Variants in VEPH1 observed in about 807,000 individuals in gnomAD.
VEPH1 encodes ventricular zone expressed PH domain containing 1.
VEPH1 carries 80 observed loss-of-function variants against 85.2 expected under a neutral mutation model. That is an observed-to-expected ratio of 0.94 (90% CI 0.78 to 1.13). VEPH1 has a LOEUF of 1.13. VEPH1 is among the 50% of genes most tolerant of loss of function. The pLI is 0.00. For missense variants in VEPH1, 955 were observed against 980.5 expected (o/e 0.97, Z 0.35); for synonymous variants, 297 against 348.0 (o/e 0.85, Z 1.63).
chr3:157,461,081 G>GA (rs200866747), intron 3 of VEPH1, among the ~76,000 whole-genome samples: 67 of 151,486 alleles, frequency 4.4e-4, no homozygotes, highest in Admixed American at 3.6e-3. Flanking sequence ...AGATTCAGAG[G>GA]AAAAAAAATA....
chr3:157,325,349 T>A lies in VEPH1; in HGVS notation c.1736-8148A>T, dbSNP rs1347587911. 2.6e-5 allele frequency among the ~76,000 whole-genome samples: 4 copies of A among 152,336 alleles called. No homozygotes were observed. The East Asian group carries it at 7.7e-4, about 29-fold the overall frequency. On this transcript the variant is annotated intron_variant, in intron 9 of 13. Coordinates refer to ENST00000362010, the MANE Select transcript of VEPH1 (RefSeq NM_001167912.2). ...GCAGAAGCTCTTTAGTTTAATTAGA[T>A]CTCATTTGTGAATTTTTGCTTTTGT...
intron 11 of VEPH1, among the ~76,000 whole-genome samples, chr3:157,303,073 A>G (rs1237304031): frequency 6.6e-6 from 1 of 152,248 alleles, no homozygotes; most frequent in Non-Finnish European, 1.5e-5. Flanking sequence ...CTTGCTCAAA[A>G]AAATTTTTTG....
intron 12 of VEPH1, chr3:157,286,259 C>T (rs1716751692): frequency 2.9e-5 from 9 of 309,504 alleles, no homozygotes; most frequent in African/African-American, 4.3e-5. Flanking sequence ...CTTTTTTTCT[C>T]TCTAACCCTC....
rs147172267 is a variant in VEPH1 at position 157,335,940 on chromosome 3, T to C, written c.1736-18739A>G. ...TACATAGCCCACTAGGCACCATGGCTACCAGCCTCCCTCTGCCTGCTGTTT... is the reference window on the plus strand; with the variant it reads ...TACATAGCCCACTAGGCACCATGGCCACCAGCCTCCCTCTGCCTGCTGTTT... On this transcript the variant is annotated intron_variant, in intron 9 of 13. Coordinates refer to ENST00000362010, the MANE Select transcript of VEPH1 (RefSeq NM_001167912.2). 1.1e-3 allele frequency among the ~76,000 whole-genome samples: 167 copies of C among 152,310 alleles called. 1 individual carries two copies. The highest frequency in any genetic ancestry group is 2.9e-3 in the African/African-American group (122 of 41,562).
chr3:157,478,266 G>A (rs1737681108), intron 2 of VEPH1, among the ~76,000 whole-genome samples: 1 of 152,074 alleles, frequency 6.6e-6, no homozygotes, highest in African/African-American at 2.4e-5. Context: ...GAGATTAGTT[G>A]AGGCCTTTTT....
At chr3:157,437,649 G>A in intron 4 of VEPH1, 1 of 1,546,608 alleles carries the variant, frequency 6.5e-7, no homozygotes, top group Non-Finnish European at 8.7e-7. Flanking sequence ...AGAGGCTGCG[G>A]GAGGAGCTGG....
rs1016720546 is a variant in VEPH1 at position 157,431,773 on chromosome 3, T to C, written c.530-3285A>G. On this transcript the variant is annotated intron_variant, in intron 4 of 13. Coordinates refer to ENST00000362010, the MANE Select transcript of VEPH1 (RefSeq NM_001167912.2). ...GTGTTTGCTAATCTGATGGGATGTA[T>C]CTAATATTTTTGCTTTAATTTTCAT... Among the ~76,000 whole-genome samples the C allele has an allele frequency of 2.6e-5, 4 of 151,508 alleles. No individual in the cohort carries two copies. In the East Asian group the frequency reaches 7.7e-4, roughly 29 times the overall value.
At chr3:157,355,387 T>C (rs1036888738) in intron 9 of VEPH1, among the ~76,000 whole-genome samples, 3 of 152,178 alleles carry the variant, frequency 2.0e-5, no homozygotes, top group African/African-American at 7.2e-5. Flanking sequence ...CAGGCAAGTC[T>C]CCAAAGCATA....
At chr3:157,407,894 T>A (rs909667430) in intron 6 of VEPH1, among the ~76,000 whole-genome samples, 1 of 152,184 alleles carries the variant, frequency 6.6e-6, no homozygotes, top group African/African-American at 2.4e-5. Flanking sequence ...ATTCCCATTT[T>A]ACAGATGAGG....
At chr3:157,499,607 A>T (rs886256104) in intron 1 of VEPH1, 2 of 152,208 alleles carry the variant, frequency 1.3e-5, no homozygotes, top group Non-Finnish European at 2.9e-5. Context: ...GTCAGGTGAC[A>T]GGCTGCACCT....
chr3:157,324,442 T>G (rs1422037232), intron 9 of VEPH1, among the ~76,000 whole-genome samples: 3 of 152,106 alleles, frequency 2.0e-5, no homozygotes, highest in Admixed American at 6.6e-5. Flanking sequence ...TCCCATCACC[T>G]AAGTATTAAG....
At chr3:157,466,805 A>G (rs1206527970) in intron 3 of VEPH1, among the ~76,000 whole-genome samples, 1 of 152,222 alleles carries the variant, frequency 6.6e-6, no homozygotes, top group Non-Finnish European at 1.5e-5. Flanking sequence ...TATTTTACAC[A>G]TAAGTTGAGA....
intron 4 of VEPH1, chr3:157,443,164 A>G (rs1734273788): frequency 1.5e-6 from 1 of 674,692 alleles, no homozygotes; most frequent in Non-Finnish European, 2.3e-6. Flanking sequence ...GACATTGGAA[A>G]AAGCTTTTGA....
intron 12 of VEPH1, among the ~76,000 whole-genome samples, chr3:157,270,354 A>G (rs1014438187): frequency 6.6e-6 from 1 of 152,190 alleles, no homozygotes; most frequent in South Asian, 2.1e-4. Context: ...CTCTACTAAC[A>G]TGGATCTGTT....
At position 157,302,944 on chromosome 3, in the gene VEPH1, AT is replaced by A. The variant is rs200957271; in HGVS notation, c.2010+10676del. Among the ~76,000 whole-genome samples, 1,090 of 152,088 alleles carry A rather than the reference AT, an allele frequency of 7.2e-3. 17 individuals carry two copies. Among genetic ancestry groups the A allele is most frequent in the African/African-American group, 0.024 (996 of 41,454 alleles). On this transcript the variant is annotated intron_variant, in intron 11 of 13. Coordinates refer to ENST00000362010, the MANE Select transcript of VEPH1 (RefSeq NM_001167912.2). The stretch of plus-strand genomic sequence containing the variant: ...GAAAATATAACTTTCATTTCTATTT[AT>A]TTTTCATCTCGTCCTTTAAAATTTC...
At chr3:157,370,589 C>T (rs1400400855) in intron 7 of VEPH1, among the ~76,000 whole-genome samples, 3 of 152,152 alleles carry the variant, frequency 2.0e-5, no homozygotes, top group Non-Finnish European at 4.4e-5. Flanking sequence ...GCTGGAACAC[C>T]TAAGCTGGAA....
chr3:157,473,958 A>T (rs1737214006), intron 2 of VEPH1, among the ~76,000 whole-genome samples: 1 of 152,168 alleles, frequency 6.6e-6, no homozygotes, highest in Admixed American at 6.5e-5. Flanking sequence ...TTAACTTTGC[A>T]TTCCTGGAAC....
intron 4 of VEPH1, among the ~76,000 whole-genome samples, chr3:157,438,647 T>C (rs1733871066): frequency 6.6e-6 from 1 of 151,974 alleles, no homozygotes; most frequent in Admixed American, 6.6e-5. Flanking sequence ...ATTCAGAGAA[T>C]TGGGGCCAAG....
At chr3:157,289,772 A>G (rs891738999) in intron 11 of VEPH1, among the ~76,000 whole-genome samples, 1 of 152,226 alleles carries the variant, frequency 6.6e-6, no homozygotes, top group African/African-American at 2.4e-5. Context: ...TTAGAGAATT[A>G]CAAACTTTCT....
Sources: gnomAD v4.1 joint callset for allele counts (sites outside exome capture counted in the v4.1 genomes callset) on GRCh38, gnomAD v4.1.1 for gene constraint, MANE v1.5 for transcripts, NCBI Gene and HGNC (gene_info 2026-07-23, HGNC 2026-07-21) for gene names.